Variants in ICE2 observed in about 807,000 individuals in gnomAD.
The protein encoded by ICE2 is little elongation complex subunit 2.
Under a neutral mutation model 105.4 loss-of-function variants are expected in ICE2, and 87 were observed. The observed-to-expected ratio is 0.83, with a 90% CI of 0.69 to 0.99. ICE2 has a LOEUF of 0.99. Among genes scored for constraint, ICE2 ranks in the 50% least tolerant of loss-of-function variants. The pLI is 0.00. For missense variants in ICE2, 1,323 were observed against 1,146.7 expected (o/e 1.15, Z -2.22); for synonymous variants, 399 against 392.0 (o/e 1.02, Z -0.21).
At chr15:60,465,855 G>C (rs145770071) in intron 5 of ICE2, among the ~76,000 whole-genome samples, 1 of 150,296 alleles carries the variant, frequency 6.7e-6, no homozygotes, top group Non-Finnish European at 1.5e-5. Flanking sequence ...GGGTTCAAGC[G>C]ATTCTCCTGC....
At position 60,456,811 on chromosome 15, in the gene ICE2, A is replaced by G; in HGVS notation, c.529-17T>C. 7.0e-7 allele frequency: 1 copy of G among 1,432,944 alleles called. No individual in the cohort carries two copies. The allele number at this position is 1,432,944 out of a possible 1,614,324, so 88.8% of individuals were successfully genotyped here. ...TAAAATTTTCTGAGAAACAGAAATT[A>G]AGAAAAATTCATTTGTATTTCTCTA... is the stretch of plus-strand genomic sequence containing the variant. On this transcript the variant is annotated splice_polypyrimidine_tract_variant and intron_variant, in intron 5 of 15. Transcript: ENST00000261520.
chr15:60,466,603 G>A lies in ICE2; in HGVS notation c.519C>T (p.Leu173=). ...DYNMLSDDAR[L]FTEKILRACI... ...TGAGTTGTTTTTTTACCTCTGTGAA[G>A]AGACGGGCATCATCAGAAAGCATAT... The change falls in exon 5 of 16, where the codon CTC becomes CTT. Residue 173 remains leucine (L), a synonymous_variant. Transcript: ENST00000261520. 1 of 1,610,754 alleles carries A rather than the reference G, an allele frequency of 6.2e-7. No individual in the cohort carries two copies. Among genetic ancestry groups the A allele is most frequent in the African/African-American group, 1.3e-5 (1 of 74,976 alleles).
Position 60,424,684 on chromosome 15 carries a change from T to A in ICE2, c.2821-922A>T, listed in dbSNP as rs1046548964. Among the ~76,000 whole-genome samples, 9 of 152,258 alleles carry A rather than the reference T, an allele frequency of 5.9e-5. No individual in the cohort carries two copies. The East Asian group carries it at 1.5e-3, about 26-fold the overall frequency. On this transcript the variant is annotated intron_variant, in intron 15 of 15. Coordinates refer to ENST00000261520, the MANE Select transcript of ICE2 (RefSeq NM_024611.6). The stretch of plus-strand genomic sequence containing the variant: ...TCACCATGCCTGGCTAACTTTTGTA[T>A]TATTAGTAGAGATGGGGTTTCACCA...
intron 14 of ICE2, 94 bp downstream of exon 14, chr15:60,431,834 TATTTTG>T: frequency 3.2e-6 from 2 of 630,926 alleles, no homozygotes; most frequent in Non-Finnish European, 5.5e-6. Flanking sequence ...ATTTCTAGGT[TATTTTG>T]TCTCTATTCC....
rs141687965 is a variant in ICE2 at position 60,453,331 on chromosome 15, G to A, written c.1125+272C>T. The A allele has an allele frequency of 3.4e-5, 40 of 1,176,702 alleles. No homozygotes were observed. The East Asian group carries it at 5.0e-4, about 15-fold the overall frequency. The allele number at this position is 1,176,702 out of a possible 1,614,324, so 72.9% of individuals were successfully genotyped here. On this transcript the variant is annotated intron_variant, in intron 9 of 15. Coordinates refer to ENST00000261520, the MANE Select transcript of ICE2 (RefSeq NM_024611.6). Reference sequence around the variant, plus strand: ...TTTCACTACATACATAACTAAAAACGTGCTCAGCCTTTAACATAAAATATC... The same window carrying A: ...TTTCACTACATACATAACTAAAAACATGCTCAGCCTTTAACATAAAATATC...
chr15:60,459,488 A>G (rs17191414), intron 5 of ICE2, among the ~76,000 whole-genome samples: 37,876 of 152,118 alleles, frequency 0.25, 5,048 homozygotes, highest in Middle Eastern at 0.45. Context: ...ACTGTTCACC[A>G]TTAAGAGACC....
chr15:60,477,914 A>C (rs914325615), intron 2 of ICE2, 23 bp downstream of exon 2: 5 of 1,605,748 alleles, frequency 3.1e-6, no homozygotes, highest in Non-Finnish European at 3.4e-6. Flanking sequence ...TCTTCAGTGG[A>C]TTACAAAGTG....
At position 60,466,663 on chromosome 15, in the gene ICE2, CA is replaced by C. The variant is rs1368340723; in HGVS notation, c.458del (p.Leu153CysfsTer27). The C allele has an allele frequency of 1.2e-6, 2 of 1,610,642 alleles. No individual in the cohort carries two copies. Among genetic ancestry groups the C allele is most frequent in the Non-Finnish European group, 1.7e-6 (2 of 1,179,376 alleles). ...GCGCACATTTCTTTGCAGAATTCTG[CA>C]AAAACTTTAGGAACTCAGTAACTTC... is the stretch of plus-strand genomic sequence containing the variant. Reference protein sequence around the residue: ...NEEVTEFLKFLQNSAKKCAQD... With the variant: ...NEEVTEFLKFXQNSAKKCAQD... On this transcript the variant is annotated frameshift_variant, in exon 5 of 16. Transcript: ENST00000261520. LOFTEE classifies it high-confidence loss of function.
Position 60,449,411 on chromosome 15 carries a change from G to T in ICE2, c.1556C>A (p.Ser519Tyr), listed in dbSNP as rs757072870. The T allele has an allele frequency of 1.2e-6, 2 of 1,613,598 alleles. No individual in the cohort carries two copies. The highest frequency in any genetic ancestry group is 1.1e-5 in the South Asian group (1 of 91,074). ...KTSDALQLEN[S>Y]QEIETSNKND... ...TTTATTAGAAGTTTCAATTTCCTGA[G>T]AATTTTCTAACTGTAAGGCATCAGA... The change falls in exon 10 of 16, where the codon TCT becomes TAT. Residue 519 changes from serine (S) to tyrosine (Y), a missense_variant. Ser to Tyr is a moderately radical substitution (Grantham distance 144). Coordinates refer to ENST00000261520, the MANE Select transcript of ICE2 (RefSeq NM_024611.6).
intron 12 of ICE2, among the ~76,000 whole-genome samples, chr15:60,436,592 G>A (rs2141017275): frequency 6.6e-6 from 1 of 151,340 alleles, no homozygotes; most frequent in South Asian, 2.1e-4. Context: ...GCGGGCGCCT[G>A]TAGTCCCATC....
At chr15:60,432,099 G>A in intron 13 of ICE2, 115 bp from the exon 14 acceptor site, 4 of 355,908 alleles carry the variant, frequency 1.1e-5, no homozygotes, top group Non-Finnish European at 2.0e-5. Context: ...CAGCGGATGA[G>A]ATAATGTAAT....
chr15:60,453,082 A>C, intron 9 of ICE2: 1 of 647,764 alleles, frequency 1.5e-6, no homozygotes, highest in Non-Finnish European at 1.9e-6. Flanking sequence ...ACTACAAAAA[A>C]TTAGCTGGGT....
chr15:60,463,339 T>C (rs1243598475), intron 5 of ICE2, among the ~76,000 whole-genome samples: 5 of 152,112 alleles, frequency 3.3e-5, no homozygotes, highest in Non-Finnish European at 7.4e-5. Flanking sequence ...ACAGGATAAA[T>C]TGTAATTTAT....
Position 60,478,052 on chromosome 15 carries a change from C to T in ICE2, c.-75G>A. ...TGCGAAGGCTCCAAGAGGCAGGATCCCTCCAGAACTTACTCAGCTGAGTAA... is the reference window on the plus strand; with the variant it reads ...TGCGAAGGCTCCAAGAGGCAGGATCTCTCCAGAACTTACTCAGCTGAGTAA... On this transcript the variant is annotated 5_prime_UTR_variant, in exon 2 of 16. Transcript: ENST00000261520. 1 of 1,362,814 alleles carries T rather than the reference C, an allele frequency of 7.3e-7. No homozygotes were observed. The highest frequency in any genetic ancestry group is 1.0e-6 in the Non-Finnish European group (1 of 952,564). The allele number at this position is 1,362,814 out of a possible 1,614,324, so 84.4% of individuals were successfully genotyped here.
At chr15:60,441,543 G>A (rs1182849213) in intron 12 of ICE2, 1 of 152,166 alleles carries the variant, frequency 6.6e-6, no homozygotes, top group Non-Finnish European at 1.5e-5. Flanking sequence ...AGGAAGAAGG[G>A]ATAGGTGTTA....
Position 60,453,052 on chromosome 15 carries a change from G to A in ICE2, c.1125+551C>T, listed in dbSNP as rs531399692. ...TTGAGACCAGCCAGGCCAACATGGC[G>A]AAATCTCATCTCTACTAAAACTACA... On this transcript the variant is annotated intron_variant, in intron 9 of 15. Transcript: ENST00000261520. 24 of 743,180 alleles carry A rather than the reference G, an allele frequency of 3.2e-5. No homozygotes were observed. The South Asian group carries it at 1.2e-3, about 38-fold the overall frequency. The allele number at this position is 743,180 out of a possible 1,614,324, so 46.0% of individuals were successfully genotyped here. A position where few individuals can be genotyped will look rare whatever the true frequency, so the allele number is the denominator to read the frequency against.
intron 11 of ICE2, chr15:60,445,540 T>C (rs2063804202): frequency 1.0e-6 from 1 of 954,390 alleles, no homozygotes; most frequent in Admixed American, 6.2e-5. Flanking sequence ...TATTCTGAGT[T>C]TGACACAATC....
At chr15:60,433,508 T>C (rs967893803) in intron 13 of ICE2, among the ~76,000 whole-genome samples, 2 of 152,078 alleles carry the variant, frequency 1.3e-5, no homozygotes, top group African/African-American at 4.8e-5. Context: ...TTTTATTTTT[T>C]TGAGATGAGT....
At chr15:60,441,570 A>G (rs2063721406) in intron 12 of ICE2, 1 of 152,226 alleles carries the variant, frequency 6.6e-6, no homozygotes, top group African/African-American at 2.4e-5. Context: ...AATAAAGTAC[A>G]AAGTAACAAG....
Sources: allele counts gnomAD v4.1 joint callset (sites outside exome capture counted in the v4.1 genomes callset), GRCh38; gene constraint gnomAD v4.1.1; transcripts MANE v1.5; gene names NCBI Gene and HGNC (gene_info 2026-07-23, HGNC 2026-07-21).